TMEM117: variants seen among roughly 807,000 people sequenced by gnomAD.
TMEM117 encodes transmembrane protein 117.
In TMEM117, 27 loss-of-function variants were observed where a neutral mutation model predicts 52.4. That is an observed-to-expected ratio of 0.51 (90% CI 0.38 to 0.71). The LOEUF (loss-of-function observed/expected upper bound fraction) is 0.71, where lower values mean the gene tolerates loss of function less well. Among genes scored for constraint, TMEM117 ranks in the 30% least tolerant of loss-of-function variants. The pLI, the probability that TMEM117 is intolerant of heterozygous loss-of-function variation, is 0.00. For synonymous variants in TMEM117, 215 were observed against 206.3 expected, an observed-to-expected ratio of 1.04 and a Z score of -0.36; for missense variants, 556 against 630.5, an observed-to-expected ratio of 0.88 and a Z score of 1.26.
intron 3 of TMEM117, among the ~76,000 whole-genome samples, chr12:43,983,547 CGTGTGTGTGTGTGTGTGTGTGTGT>C (rs748259406): frequency 0.01 from 1,136 of 110,732 alleles, 17 homozygotes; most frequent in African/African-American, 0.034. Flanking sequence ...TTGCACCAAC[CGTGTGTGTGTGTGTGTGTGTGTGT>C]GTGTGTGTGT....
intron 3 of TMEM117, among the ~76,000 whole-genome samples, chr12:44,101,869 C>A (rs1947866543): frequency 6.6e-6 from 1 of 151,952 alleles, no homozygotes; most frequent in African/African-American, 2.4e-5. Flanking sequence ...CTTTTTGATA[C>A]AGCAAGGGTA....
At chr12:44,098,108 G>A (rs768116922) in intron 3 of TMEM117, among the ~76,000 whole-genome samples, 8 of 151,994 alleles carry the variant, frequency 5.3e-5, no homozygotes, top group Non-Finnish European at 1.2e-4. Context: ...TTTGAAAATA[G>A]AATATGCATT....
rs1950756208 is a variant in TMEM117, at chr12:44,295,448, A to G, written c.609-4132A>G. 2.0e-5 allele frequency among the ~76,000 whole-genome samples: 3 copies of G among 151,966 alleles called. No individual in the cohort carries two copies. In the South Asian group the frequency reaches 6.2e-4, roughly 32 times the overall value. On this transcript the variant is annotated intron_variant, in intron 5 of 7. Transcript: ENST00000266534. ...GGTCTCGAACTCCTGACCTCAAGCA[A>G]TCCACCTGCCTTGGCCTCCCAAAGT...
chr12:43,864,959 A>C (rs1943561212), intron 2 of TMEM117, among the ~76,000 whole-genome samples: 1 of 152,082 alleles, frequency 6.6e-6, no homozygotes, highest in African/African-American at 2.4e-5. Flanking sequence ...GGAGGAACGA[A>C]CAATTCCAGA....
chr12:44,253,584 G>A (rs1950220471), intron 5 of TMEM117, among the ~76,000 whole-genome samples: 1 of 152,072 alleles, frequency 6.6e-6, no homozygotes, highest in African/African-American at 2.4e-5. Context: ...TTAGAATCCA[G>A]GATTGCTTGA....
At chr12:43,876,064 C>T (rs569661378) in intron 2 of TMEM117, among the ~76,000 whole-genome samples, 19 of 152,284 alleles carry the variant, frequency 1.2e-4, no homozygotes, top group Non-Finnish European at 2.2e-4. Flanking sequence ...TCTTCCTCTC[C>T]TCCAAGATGT....
the TMEM117 span, chr12:43,806,180 C>CCGGCTCTCT: frequency 2.6e-6 from 4 of 1,538,670 alleles, no homozygotes; most frequent in Non-Finnish European, 3.5e-6. Flanking sequence ...CCCGGCTCTC[C>CCGGCTCTCT]CGGAAGCCCC....
chr12:44,104,031 A>AT, intron 3 of TMEM117, among the ~76,000 whole-genome samples: 1 of 152,134 alleles, frequency 6.6e-6, no homozygotes, highest in Admixed American at 6.6e-5. Flanking sequence ...GAAGAGTGAA[A>AT]TTGGCACTTC....
At chr12:44,036,714 T>C (rs1946715780) in intron 3 of TMEM117, among the ~76,000 whole-genome samples, 1 of 152,222 alleles carries the variant, frequency 6.6e-6, no homozygotes, top group South Asian at 2.1e-4. Context: ...ATGTCCAAAT[T>C]TACAGATAAC....
chr12:44,339,486 A>G (rs1282936775), intron 6 of TMEM117, among the ~76,000 whole-genome samples: 1 of 152,102 alleles, frequency 6.6e-6, no homozygotes, highest in African/African-American at 2.4e-5. Flanking sequence ...TGCTGTTAAC[A>G]TGATCCTATA....
chr12:43,959,103 G>A (rs138760985), intron 3 of TMEM117, among the ~76,000 whole-genome samples: 84 of 152,308 alleles, frequency 5.5e-4, no homozygotes, highest in South Asian at 1.0e-3. Context: ...CACCGCGCCC[G>A]GCCAAAATGC....
At chr12:44,180,590 G>T (rs1050949965) in intron 4 of TMEM117, among the ~76,000 whole-genome samples, 16 of 145,292 alleles carry the variant, frequency 1.1e-4, no homozygotes, top group Non-Finnish European at 1.5e-5. Flanking sequence ...ACCTATGAGT[G>T]AGAATATGCG....
At chr12:44,311,761 A>ATATG (rs1950980882) in intron 6 of TMEM117, among the ~76,000 whole-genome samples, 3 of 122,168 alleles carry the variant, frequency 2.5e-5, no homozygotes, top group African/African-American at 1.2e-4. Flanking sequence ...ATATATGTAT[A>ATATG]TATATATGTA....
intron 3 of TMEM117, among the ~76,000 whole-genome samples, chr12:44,027,109 ATT>A (rs1946546408): frequency 6.9e-6 from 1 of 144,406 alleles, no homozygotes; most frequent in African/African-American, 2.6e-5. Context: ...ATTTTATTTT[ATT>A]TTATCTTATT....
At chr12:44,042,170 T>C (rs1250391937) in intron 3 of TMEM117, among the ~76,000 whole-genome samples, 1 of 152,238 alleles carries the variant, frequency 6.6e-6, no homozygotes, top group African/African-American at 2.4e-5. Flanking sequence ...ATCAGTGTTT[T>C]AATATTCATA....
intron 2 of TMEM117, among the ~76,000 whole-genome samples, chr12:43,856,198 A>G (rs1214910977): frequency 1.3e-5 from 2 of 152,208 alleles, no homozygotes; most frequent in Non-Finnish European, 2.9e-5. Flanking sequence ...TATATAGCCA[A>G]ATGCCATGTA....
At chr12:43,795,883 C>T in the TMEM117 span, 2 of 831,612 alleles carry the variant, frequency 2.4e-6, no homozygotes, top group Non-Finnish European at 3.6e-6. Flanking sequence ...CATATGTAAA[C>T]AGTTTCACTT....
chr12:43,910,285 A>T (rs1361255331), intron 2 of TMEM117, among the ~76,000 whole-genome samples: 1 of 151,272 alleles, frequency 6.6e-6, no homozygotes, highest in Non-Finnish European at 1.5e-5. Flanking sequence ...CCTTTGACAA[A>T]ATTCAACAAC....
At position 44,303,146 on chromosome 12, in the gene TMEM117, C is replaced by T. The variant is rs143277848; in HGVS notation, c.768+3407C>T. On this transcript the variant is annotated intron_variant, in intron 6 of 7. Coordinates refer to ENST00000266534, the MANE Select transcript of TMEM117 (RefSeq NM_032256.3). ...GCAACCTCTGCCTCCTGGGTTCAAG[C>T]GATTCTCCTGCCTCAGCCTCCCAGG... 3.9e-3 allele frequency among the ~76,000 whole-genome samples: 588 copies of T among 151,900 alleles called. 3 individuals are homozygous for T. Among genetic ancestry groups the T allele is most frequent in the African/African-American group, 0.012 (503 of 41,430 alleles).
Sources: gnomAD v4.1 joint callset for allele counts (sites outside exome capture counted in the v4.1 genomes callset) on GRCh38, gnomAD v4.1.1 for gene constraint, MANE v1.5 for transcripts, NCBI Gene and HGNC (gene_info 2026-07-23, HGNC 2026-07-21) for gene names.